TMC1: variants seen among roughly 807,000 people sequenced by gnomAD.
TMC1 encodes transmembrane channel-like protein 1.
A neutral mutation model predicts 105.8 loss-of-function variants in TMC1; 84 were observed. The ratio of observed to expected loss-of-function variants is 0.79; its 90% CI spans 0.67 to 0.95. The LOEUF (loss-of-function observed/expected upper bound fraction) is 0.95. Ranked by LOEUF, TMC1 falls within the 40% of genes least tolerant of loss-of-function variation. TMC1 has a pLI of 0.00. For missense variants in TMC1, 817 were observed against 914.1 expected (o/e 0.89, Z 1.37); for synonymous variants, 315 against 311.5 (o/e 1.01, Z -0.12).
At chr9:72,666,046 A>G (rs1227155031) in intron 5 of TMC1, among the ~76,000 whole-genome samples, 1 of 152,212 alleles carries the variant, frequency 6.6e-6, no homozygotes, top group Non-Finnish European at 1.5e-5. Flanking sequence ...CAGACTACAT[A>G]AATGTTTTAG....
At chr9:72,536,575 G>A (rs1268752627) in intron 1 of TMC1, among the ~76,000 whole-genome samples, 4 of 152,054 alleles carry the variant, frequency 2.6e-5, no homozygotes, top group South Asian at 2.1e-4. Flanking sequence ...CTCGTGATCC[G>A]CCTGCCTCAG....
chr9:72,666,993 T>C (rs1489696767), intron 5 of TMC1, among the ~76,000 whole-genome samples: 2 of 151,958 alleles, frequency 1.3e-5, no homozygotes, highest in African/African-American at 4.8e-5. Flanking sequence ...GGTGGGAGGA[T>C]CACTTGAGCC....
intron 5 of TMC1, among the ~76,000 whole-genome samples, chr9:72,668,068 GA>G (rs77727863): frequency 0.23 from 35,091 of 151,930 alleles, 4,319 homozygotes; most frequent in East Asian, 0.38. Flanking sequence ...TGACATTTTG[GA>G]ATAAAAGAAA....
intron 1 of TMC1, among the ~76,000 whole-genome samples, chr9:72,530,678 G>T (rs1823484466): frequency 6.6e-6 from 1 of 151,376 alleles, no homozygotes. Context: ...TTTCATTCTG[G>T]ATAACTTTTA....
At chr9:72,802,742 A>G (rs1253993581) in intron 17 of TMC1, among the ~76,000 whole-genome samples, 1 of 152,216 alleles carries the variant, frequency 6.6e-6, no homozygotes, top group Non-Finnish European at 1.5e-5. Context: ...GGACACAAAC[A>G]TATGTGAAAA....
chr9:72,566,067 C>T (rs1022843401), intron 1 of TMC1, among the ~76,000 whole-genome samples: 3 of 152,166 alleles, frequency 2.0e-5, no homozygotes, highest in African/African-American at 7.2e-5. Context: ...TCTCACTTTG[C>T]CTCCTAGGCT....
intron 9 of TMC1, among the ~76,000 whole-genome samples, chr9:72,740,731 T>C (rs1001291402): frequency 1.3e-5 from 2 of 152,232 alleles, no homozygotes; most frequent in Non-Finnish European, 2.9e-5. Flanking sequence ...TTATATTTAA[T>C]TCTTACAGTA....
intron 1 of TMC1, among the ~76,000 whole-genome samples, chr9:72,526,655 A>T (rs1302882225): frequency 6.6e-6 from 1 of 152,230 alleles, no homozygotes; most frequent in Non-Finnish European, 1.5e-5. Flanking sequence ...CTGTGACTTT[A>T]AAAAATGTAG....
intron 4 of TMC1, among the ~76,000 whole-genome samples, chr9:72,632,533 A>G (rs1230940498): frequency 6.6e-6 from 1 of 152,114 alleles, no homozygotes; most frequent in African/African-American, 2.4e-5. Context: ...GGTAATGGAT[A>G]TAGAGGACAG....
At chr9:72,803,345 T>C (rs959642166) in intron 17 of TMC1, among the ~76,000 whole-genome samples, 6 of 151,838 alleles carry the variant, frequency 4.0e-5, no homozygotes, top group African/African-American at 1.5e-4. Context: ...GACGAAAACA[T>C]CAAAAGCAAT....
chr9:72,574,867 T>C (rs1235022577), intron 1 of TMC1, among the ~76,000 whole-genome samples: 1 of 152,172 alleles, frequency 6.6e-6, no homozygotes, highest in Non-Finnish European at 1.5e-5. Flanking sequence ...TGCTCCCTCA[T>C]TGTAACTGTT....
intron 5 of TMC1, among the ~76,000 whole-genome samples, chr9:72,673,583 A>G (rs998514448): frequency 6.6e-6 from 1 of 152,130 alleles, no homozygotes; most frequent in Non-Finnish European, 1.5e-5. Context: ...GAAATGAGAA[A>G]AGTGGCATCA....
At chr9:72,728,762 C>T (rs1040689404) in intron 8 of TMC1, among the ~76,000 whole-genome samples, 1 of 152,074 alleles carries the variant, frequency 6.6e-6, no homozygotes, top group African/African-American at 2.4e-5. Flanking sequence ...CTCCCTGCTA[C>T]TGTAATACTA....
intron 2 of TMC1, among the ~76,000 whole-genome samples, chr9:72,609,274 C>T (rs1363215128): frequency 2.0e-5 from 3 of 151,212 alleles, no homozygotes; most frequent in Admixed American, 6.6e-5. Flanking sequence ...TGTGGTGGCT[C>T]ATGCCTGTAA....
chr9:72,627,178 G>A (rs1825362346), intron 3 of TMC1, among the ~76,000 whole-genome samples: 2 of 152,112 alleles, frequency 1.3e-5, no homozygotes, highest in Admixed American at 1.3e-4. Context: ...CAGAAAAACA[G>A]TCTCAGTTTA....
chr9:72,558,160 TTC>T (rs1008147369), intron 1 of TMC1, among the ~76,000 whole-genome samples: 6 of 151,782 alleles, frequency 4.0e-5, no homozygotes, highest in Admixed American at 3.3e-4. Flanking sequence ...CTCTCTCTCT[TTC>T]TCTCTTTCTC....
intron 17 of TMC1, among the ~76,000 whole-genome samples, chr9:72,796,293 AAAG>A (rs1238716909): frequency 6.6e-6 from 1 of 152,298 alleles, no homozygotes; most frequent in East Asian, 1.9e-4. Flanking sequence ...CCAGATGTAC[AAAG>A]AAGAACTGGT....
intron 8 of TMC1, among the ~76,000 whole-genome samples, chr9:72,705,796 A>G (rs144299128): frequency 2.7e-4 from 41 of 152,320 alleles, no homozygotes; most frequent in African/African-American, 9.4e-4. Flanking sequence ...AAAATGATTT[A>G]TTTTGATAAC....
At chr9:72,598,956 G>A (rs1824763298) in intron 2 of TMC1, among the ~76,000 whole-genome samples, 1 of 152,176 alleles carries the variant, frequency 6.6e-6, no homozygotes, top group Non-Finnish European at 1.5e-5. Flanking sequence ...TATTAATTGA[G>A]CAAGGAGGAA....
Sources: gnomAD v4.1 joint callset for allele counts (sites outside exome capture counted in the v4.1 genomes callset) on GRCh38, gnomAD v4.1.1 for gene constraint, MANE v1.5 for transcripts, NCBI Gene and HGNC (gene_info 2026-07-23, HGNC 2026-07-21) for gene names.